Variants in PRKCQ observed in about 807,000 individuals in gnomAD.
PRKCQ encodes the protein protein kinase C theta.
A neutral mutation model predicts 91.2 loss-of-function variants in PRKCQ; 41 were observed. The observed-to-expected ratio is 0.45, with a 90% confidence interval of 0.35 to 0.58. The LOEUF is 0.58. Among genes scored for constraint, PRKCQ ranks in the 20% least tolerant of loss-of-function variants. PRKCQ has a pLI of 0.00. For synonymous variants in PRKCQ, 307 were observed against 316.9 expected (o/e 0.97, Z 0.33); for missense variants, 673 against 896.5 (o/e 0.75, Z 3.18).
intron 16 of PRKCQ, among the ~76,000 whole-genome samples, chr10:6,434,677 T>C (rs936079501): frequency 2.0e-5 from 3 of 152,150 alleles, no homozygotes; most frequent in Non-Finnish European, 4.4e-5. Flanking sequence ...CAGGATGTAG[T>C]TGAAGTTTGT....
At chr10:6,557,096 C>T (rs1840450218) in intron 1 of PRKCQ, among the ~76,000 whole-genome samples, 2 of 152,204 alleles carry the variant, frequency 1.3e-5, no homozygotes, top group Admixed American at 1.3e-4. Flanking sequence ...TCCGGTTTTG[C>T]AACCTCTAAC....
downstream of PRKCQ, among the ~76,000 whole-genome samples, chr10:6,425,225 A>ATTTT (rs34277466): frequency 7.3e-6 from 1 of 137,694 alleles, no homozygotes; most frequent in Non-Finnish European, 1.6e-5. Context: ...TCTCTCCTCT[A>ATTTT]TTTTTTTTTT....
At chr10:6,487,448 G>C (rs1156539610) in intron 8 of PRKCQ, among the ~76,000 whole-genome samples, 1 of 152,180 alleles carries the variant, frequency 6.6e-6, no homozygotes. Context: ...GTGTGACCTT[G>C]GGCAAGTCAT....
At chr10:6,509,388 G>A (rs1370266759) in intron 3 of PRKCQ, among the ~76,000 whole-genome samples, 2 of 151,946 alleles carry the variant, frequency 1.3e-5, no homozygotes, top group East Asian at 3.9e-4. Context: ...TTGGGGAATT[G>A]ACGACTCTTT....
intron 15 of PRKCQ, among the ~76,000 whole-genome samples, chr10:6,446,684 A>G (rs1027552436): frequency 1.3e-5 from 2 of 152,114 alleles, no homozygotes; most frequent in African/African-American, 4.8e-5. Context: ...ATTTTTAAAG[A>G]GACTGTGGTG....
chr10:6,498,142 C>G (rs1215070360), intron 5 of PRKCQ, among the ~76,000 whole-genome samples: 1 of 151,976 alleles, frequency 6.6e-6, no homozygotes, highest in Non-Finnish European at 1.5e-5. Flanking sequence ...CCACTTACCC[C>G]CAATAGCCCC....
chr10:6,514,893 G>A (rs1838674413), intron 2 of PRKCQ, 125 bp downstream of exon 2: 7 of 1,497,338 alleles, frequency 4.7e-6, no homozygotes, highest in East Asian at 2.3e-5. Context: ...GGGCATCAGC[G>A]TCCTAAATGG....
At chr10:6,555,148 A>G (rs1564391114) in intron 1 of PRKCQ, among the ~76,000 whole-genome samples, 2 of 152,040 alleles carry the variant, frequency 1.3e-5, no homozygotes. Flanking sequence ...GGGGGGGTCT[A>G]GGGTTGAAAA....
the PRKCQ span, among the ~76,000 whole-genome samples, chr10:6,408,473 G>A: frequency 7.2e-5 from 11 of 152,254 alleles, no homozygotes; most frequent in African/African-American, 2.4e-4. Context: ...TCCTGCCTCA[G>A]CCTCCCAAGT....
chr10:6,436,477 G>A (rs1833700087), intron 16 of PRKCQ, among the ~76,000 whole-genome samples: 1 of 152,068 alleles, frequency 6.6e-6, no homozygotes, highest in Non-Finnish European at 1.5e-5. Context: ...TATCACATGT[G>A]CAGATATGGG....
intron 3 of PRKCQ, among the ~76,000 whole-genome samples, chr10:6,507,739 G>A (rs1022184123): frequency 6.6e-6 from 1 of 152,216 alleles, no homozygotes; most frequent in Non-Finnish European, 1.5e-5. Flanking sequence ...ACATAAGGAA[G>A]AAATAAAATC....
At chr10:6,469,440 G>C (rs1011775197) in intron 12 of PRKCQ, among the ~76,000 whole-genome samples, 4 of 152,184 alleles carry the variant, frequency 2.6e-5, no homozygotes, top group African/African-American at 7.2e-5. Flanking sequence ...TTTAGGAACA[G>C]AGACGACCTC....
chr10:6,395,470 C>G, the PRKCQ span, among the ~76,000 whole-genome samples: 1 of 152,052 alleles, frequency 6.6e-6, no homozygotes, highest in Admixed American at 6.6e-5. Context: ...GAGGTACCAG[C>G]TGATCCATCA....
At chr10:6,458,698 G>T (rs1262234690) in intron 14 of PRKCQ, among the ~76,000 whole-genome samples, 1 of 152,072 alleles carries the variant, frequency 6.6e-6, no homozygotes, top group African/African-American at 2.4e-5. Context: ...CAAGGAACAG[G>T]GACCATGACA....
downstream of PRKCQ, among the ~76,000 whole-genome samples, chr10:6,423,771 G>A (rs1310166228): frequency 6.6e-6 from 1 of 152,096 alleles, no homozygotes; most frequent in African/African-American, 2.4e-5. Flanking sequence ...CTCTTCTCTT[G>A]GCCATCTGGT....
chr10:6,494,950 T>A (rs1564350627), intron 7 of PRKCQ, among the ~76,000 whole-genome samples: 1 of 152,196 alleles, frequency 6.6e-6, no homozygotes, highest in African/African-American at 2.4e-5. Context: ...TCTTCTTCAC[T>A]CCGTCGTGGC....
At chr10:6,394,123 T>C in the PRKCQ span, among the ~76,000 whole-genome samples, 1 of 152,276 alleles carries the variant, frequency 6.6e-6, no homozygotes, top group Non-Finnish European at 1.5e-5. Flanking sequence ...CTGCCATTTA[T>C]GTATGATGTT....
At chr10:6,419,115 A>G in the PRKCQ span, among the ~76,000 whole-genome samples, 1,981 of 152,080 alleles carry the variant, frequency 0.013, 44 homozygotes, top group African/African-American at 0.045. Context: ...CTACCCATCT[A>G]TCATCCACCC....
intron 1 of PRKCQ, among the ~76,000 whole-genome samples, chr10:6,559,442 T>A (rs958288275): frequency 2.6e-5 from 4 of 152,202 alleles, no homozygotes; most frequent in African/African-American, 9.6e-5. Flanking sequence ...CACTGCAATT[T>A]CCACCTCCTG....
Sources: gnomAD v4.1 joint callset for allele counts (sites outside exome capture counted in the v4.1 genomes callset) on GRCh38, gnomAD v4.1.1 for gene constraint, MANE v1.5 for transcripts, NCBI Gene and HGNC (gene_info 2026-07-23, HGNC 2026-07-21) for gene names.